The following DNER variants were observed in gnomAD, a reference collection of about 807,000 sequenced individuals.
DNER encodes delta/notch like EGF repeat containing, also known as delta and Notch-like epidermal growth factor-related receptor.
In DNER, 33 loss-of-function variants were observed where a neutral mutation model predicts 78.2. That is an observed-to-expected ratio of 0.42 (90% CI 0.32 to 0.56). The LOEUF is 0.56. DNER is among the 20% of genes least tolerant of loss of function. The pLI is 0.11. For synonymous variants in DNER, 417 were observed against 384.8 expected, an observed-to-expected ratio of 1.08 and a Z score of -0.98; for missense variants, 918 against 975.3, an observed-to-expected ratio of 0.94 and a Z score of 0.78.
intron 7 of DNER, among the ~76,000 whole-genome samples, chr2:229,470,327 G>A (rs995820707): frequency 5.9e-5 from 9 of 151,976 alleles, no homozygotes; most frequent in African/African-American, 2.2e-4. Flanking sequence ...AGTGGGCATC[G>A]GAACCATTTT....
At chr2:229,420,801 C>A (rs527305619) in intron 8 of DNER, among the ~76,000 whole-genome samples, 4 of 152,086 alleles carry the variant, frequency 2.6e-5, no homozygotes, top group South Asian at 4.1e-4. Flanking sequence ...GAAATTGGAA[C>A]CTTTGTGCAC....
intron 1 of DNER, among the ~76,000 whole-genome samples, chr2:229,697,893 G>C (rs537131795): frequency 6.6e-6 from 1 of 152,136 alleles, no homozygotes; most frequent in Non-Finnish European, 1.5e-5. Flanking sequence ...CATGCATGTA[G>C]AAGTAGAAGA....
intron 8 of DNER, among the ~76,000 whole-genome samples, chr2:229,446,770 T>G (rs973830160): frequency 6.6e-6 from 1 of 152,208 alleles, no homozygotes; most frequent in East Asian, 1.9e-4. Context: ...GGAAATTAAA[T>G]GGTAAAAGTT....
intron 5 of DNER, among the ~76,000 whole-genome samples, chr2:229,528,259 G>A (rs1696242057): frequency 6.6e-6 from 1 of 152,202 alleles, no homozygotes. Context: ...AGGATGCCAA[G>A]TGCAACAAGG....
chr2:229,685,835 A>G (rs1699474147), intron 1 of DNER, among the ~76,000 whole-genome samples: 1 of 152,194 alleles, frequency 6.6e-6, no homozygotes. Context: ...AAACACATCA[A>G]TGTAAGTCAC....
intron 8 of DNER, among the ~76,000 whole-genome samples, chr2:229,434,759 G>T (rs1694085724): frequency 6.6e-6 from 1 of 152,082 alleles, no homozygotes; most frequent in Non-Finnish European, 1.5e-5. Context: ...GAATTATGAG[G>T]TAAGTAAAGA....
intron 8 of DNER, 33 bp from the exon 9 acceptor site, chr2:229,418,263 T>C: frequency 6.2e-7 from 1 of 1,612,988 alleles, no homozygotes; most frequent in Non-Finnish European, 8.5e-7. Flanking sequence ...CACTGTCAAA[T>C]GCATCCCATT....
chr2:229,403,176 T>C (rs1693305347), intron 10 of DNER, among the ~76,000 whole-genome samples: 2 of 152,328 alleles, frequency 1.3e-5, no homozygotes, highest in East Asian at 3.9e-4. Context: ...GCTGGCCAAG[T>C]GTAACTTCTG....
At chr2:229,510,178 G>T (rs1391730293) in intron 6 of DNER, among the ~76,000 whole-genome samples, 7 of 152,234 alleles carry the variant, frequency 4.6e-5, no homozygotes, top group African/African-American at 7.2e-5. Flanking sequence ...ACATGGGGGT[G>T]AGATAGGGCT....
intron 4 of DNER, among the ~76,000 whole-genome samples, chr2:229,556,358 C>G (rs945990235): frequency 6.6e-5 from 10 of 152,152 alleles, no homozygotes; most frequent in Admixed American, 5.9e-4. Flanking sequence ...TTTTTCAAAG[C>G]CTGTATATCC....
At chr2:229,509,166 TA>T (rs1169622400) in intron 6 of DNER, among the ~76,000 whole-genome samples, 2 of 152,122 alleles carry the variant, frequency 1.3e-5, no homozygotes, top group Non-Finnish European at 2.9e-5. Context: ...TCTGTGCACA[TA>T]AAATCCTTTA....
At chr2:229,586,543 A>C (rs866414148) in intron 3 of DNER, among the ~76,000 whole-genome samples, 1 of 102,448 alleles carries the variant, frequency 9.8e-6, no homozygotes, top group African/African-American at 5.5e-5. Flanking sequence ...AAAAAAAAAA[A>C]AAAAAAACAC....
intron 4 of DNER, among the ~76,000 whole-genome samples, chr2:229,552,830 T>G (rs1431851519): frequency 6.6e-6 from 1 of 152,174 alleles, no homozygotes; most frequent in Non-Finnish European, 1.5e-5. Context: ...TGTGTGGCTT[T>G]GGAGCTTCAA....
At chr2:229,711,816 T>C (rs1699917172) in intron 1 of DNER, among the ~76,000 whole-genome samples, 1 of 152,144 alleles carries the variant, frequency 6.6e-6, no homozygotes, top group Non-Finnish European at 1.5e-5. Context: ...TATCTGTAAT[T>C]GAGTATGTGT....
At chr2:229,696,807 C>T (rs1056214858) in intron 1 of DNER, among the ~76,000 whole-genome samples, 3 of 152,124 alleles carry the variant, frequency 2.0e-5, no homozygotes, top group African/African-American at 7.2e-5. Context: ...TTCTGGGATG[C>T]TATCACCCAG....
intron 1 of DNER, among the ~76,000 whole-genome samples, chr2:229,602,430 C>T (rs1399819769): frequency 2.0e-5 from 3 of 152,088 alleles, no homozygotes; most frequent in African/African-American, 7.2e-5. Flanking sequence ...GGGAAGAAAG[C>T]AAGGATGTTT....
chr2:229,547,408 G>A (rs956790954), intron 4 of DNER, among the ~76,000 whole-genome samples: 1 of 152,192 alleles, frequency 6.6e-6, no homozygotes, highest in African/African-American at 2.4e-5. Context: ...TCTGGGGGCT[G>A]CTTTGTCTCT....
At chr2:229,371,261 C>T (rs1692475580) in intron 11 of DNER, among the ~76,000 whole-genome samples, 1 of 152,228 alleles carries the variant, frequency 6.6e-6, no homozygotes, top group Non-Finnish European at 1.5e-5. Context: ...TGCCAGGTGC[C>T]TGCAACCACC....
At chr2:229,501,135 A>T (rs1474053404) in intron 6 of DNER, among the ~76,000 whole-genome samples, 4 of 152,018 alleles carry the variant, frequency 2.6e-5, no homozygotes, top group African/African-American at 4.8e-5. Flanking sequence ...GGGTAGGAGG[A>T]GGGGAGGACA....
Sources: gnomAD v4.1 joint callset for allele counts (sites outside exome capture counted in the v4.1 genomes callset) on GRCh38, gnomAD v4.1.1 for gene constraint, MANE v1.5 for transcripts, NCBI Gene and HGNC (gene_info 2026-07-23, HGNC 2026-07-21) for gene names.